The following MEI4 variants were observed in gnomAD, a reference collection of about 807,000 sequenced individuals.
The protein encoded by MEI4 is meiotic double-stranded break formation protein 4.
A neutral mutation model predicts 31.4 loss-of-function variants in MEI4; 27 were observed. That is an observed-to-expected ratio of 0.86 (90% CI 0.63 to 1.19). The LOEUF is 1.19. MEI4 is among the 50% of genes most tolerant of loss of function. MEI4 has a pLI of 0.00. For missense variants in MEI4, 329 were observed against 398.9 expected, an observed-to-expected ratio of 0.82 and a Z score of 1.49; for synonymous variants, 122 against 145.4, an observed-to-expected ratio of 0.84 and a Z score of 1.16.
rs148791785 is a variant in MEI4 at position 77,859,652 on chromosome 6, G to A, written c.900+30590G>A. 1.4e-3 allele frequency among the ~76,000 whole-genome samples: 212 copies of A among 152,036 alleles called. 1 individual carries two copies. Among genetic ancestry groups the A allele is most frequent in the African/African-American group, 4.4e-3 (182 of 41,478 alleles). ...GCTTTTTTTCATATGTTTTTTGGCC[G>A]CATAAATGTCTCCTTTTGAGAAGTG... On this transcript the variant is annotated intron_variant, in intron 4 of 4. Transcript: ENST00000684080.
intron 4 of MEI4, among the ~76,000 whole-genome samples, chr6:77,841,320 T>TATATATATATAC (rs1434717570): frequency 5.1e-4 from 24 of 47,442 alleles, no homozygotes; most frequent in East Asian, 1.3e-3. Flanking sequence ...TGTGCATATA[T>TATATATATATAC]ATATATATAT....
chr6:77,756,762 A>AT (rs1171811120), intron 2 of MEI4, among the ~76,000 whole-genome samples: 1 of 151,332 alleles, frequency 6.6e-6, no homozygotes, highest in Non-Finnish European at 1.5e-5. Flanking sequence ...GTTTGGTATA[A>AT]TTTTCCAAGG....
chr6:77,759,679 A>T (rs1768001150), intron 2 of MEI4, among the ~76,000 whole-genome samples: 1 of 152,004 alleles, frequency 6.6e-6, no homozygotes, highest in South Asian at 2.1e-4. Context: ...TTACATATTG[A>T]TATTTTGTGT....
intron 2 of MEI4, among the ~76,000 whole-genome samples, chr6:77,749,808 A>T (rs1767718784): frequency 2.0e-5 from 3 of 152,106 alleles, no homozygotes; most frequent in Admixed American, 2.0e-4. Flanking sequence ...ACCCCAAGAC[A>T]CATAATGATC....
At chr6:77,852,392 T>C (rs967655407) in intron 4 of MEI4, among the ~76,000 whole-genome samples, 4 of 152,200 alleles carry the variant, frequency 2.6e-5, no homozygotes, top group Admixed American at 1.3e-4. Context: ...AGACATATAA[T>C]GTATTAATAT....
chr6:77,901,443 T>A, intron 4 of MEI4, among the ~76,000 whole-genome samples: 1 of 152,074 alleles, frequency 6.6e-6, no homozygotes, highest in East Asian at 1.9e-4. Context: ...TGGTTTTAAT[T>A]TACATTTCCC....
intron 3 of MEI4, among the ~76,000 whole-genome samples, chr6:77,802,698 C>G (rs1025863052): frequency 6.6e-6 from 1 of 152,160 alleles, no homozygotes; most frequent in Non-Finnish European, 1.5e-5. Flanking sequence ...ATTTGCTTAT[C>G]TGTAAAGGAT....
chr6:77,854,882 C>T (rs1431892591), intron 4 of MEI4, among the ~76,000 whole-genome samples: 1 of 148,838 alleles, frequency 6.7e-6, no homozygotes, highest in Admixed American at 7.0e-5. Flanking sequence ...AGGTCAGAAA[C>T]TGGTGCCTGA....
Position 77,925,780 on chromosome 6 carries a change from TTA to T in MEI4, c.*2438_*2439del, listed in dbSNP as rs1554182175. 2.7e-4 allele frequency: 40 copies of T among 148,142 alleles called. No homozygotes were observed. The highest frequency in any genetic ancestry group is 3.4e-4 in the African/African-American group (14 of 40,782). The allele number at this position is 148,142 out of a possible 1,614,324, so 9.2% of individuals were successfully genotyped here. On this transcript the variant is annotated 3_prime_UTR_variant, in exon 5 of 5. Coordinates refer to ENST00000684080, the MANE Select transcript of MEI4 (RefSeq NM_001322247.2). ...TATAATAAATATATGATAATATATTTTATATGAGAGTAAATATATATTAAATA... is the reference window on the plus strand; with the variant it reads ...TATAATAAATATATGATAATATATTTTATGAGAGTAAATATATATTAAATA...
At chr6:77,665,235 G>A (rs950141437) in intron 1 of MEI4, among the ~76,000 whole-genome samples, 3 of 151,930 alleles carry the variant, frequency 2.0e-5, no homozygotes, top group Non-Finnish European at 4.4e-5. Flanking sequence ...AGGGATTGGG[G>A]CACAGAGATA....
intron 4 of MEI4, among the ~76,000 whole-genome samples, chr6:77,903,673 G>A (rs961383103): frequency 1.3e-5 from 2 of 152,054 alleles, no homozygotes; most frequent in African/African-American, 4.8e-5. Flanking sequence ...CTATGGACTT[G>A]TCATATATAG....
intron 1 of MEI4, among the ~76,000 whole-genome samples, chr6:77,664,668 G>T (rs1768585653): frequency 6.6e-6 from 1 of 152,066 alleles, no homozygotes; most frequent in South Asian, 2.1e-4. Context: ...GCTTGGGGTT[G>T]GGACTGAGGG....
chr6:77,864,547 T>C (rs1241834001), intron 4 of MEI4, among the ~76,000 whole-genome samples: 1 of 152,172 alleles, frequency 6.6e-6, no homozygotes, highest in Non-Finnish European at 1.5e-5. Context: ...TAAATATATA[T>C]GCACCCAATA....
At chr6:77,913,332 C>A (rs1391774974) in intron 4 of MEI4, among the ~76,000 whole-genome samples, 1 of 152,062 alleles carries the variant, frequency 6.6e-6, no homozygotes, top group Admixed American at 6.6e-5. Flanking sequence ...CACTCCTCTT[C>A]AGTTGTTTGG....
At chr6:77,726,782 A>T (rs1766834091) in intron 2 of MEI4, among the ~76,000 whole-genome samples, 1 of 152,200 alleles carries the variant, frequency 6.6e-6, no homozygotes, top group Admixed American at 6.5e-5. Flanking sequence ...GATGCTAGCA[A>T]GGCTAAAGGG....
Position 77,923,481 on chromosome 6 carries a change from CTTAATGG to C in MEI4, c.*139_*145del. 1.4e-6 allele frequency: 1 copy of C among 733,028 alleles called. No individual in the cohort carries two copies. The highest frequency in any genetic ancestry group is 1.9e-6 in the Non-Finnish European group (1 of 536,058). The allele number at this position is 733,028 out of a possible 1,614,324, so 45.4% of individuals were successfully genotyped here. A position where few individuals can be genotyped will look rare whatever the true frequency, so the allele number is the denominator to read the frequency against. The stretch of plus-strand genomic sequence containing the variant: ...TCTCTAAATATAATTATCAATTCAA[CTTAATGG>C]TTAGTCTTAAATTGTATGAAATTTT... On this transcript the variant is annotated 3_prime_UTR_variant, in exon 5 of 5. Coordinates refer to ENST00000684080, the MANE Select transcript of MEI4 (RefSeq NM_001322247.2).
chr6:77,895,797 A>T (rs1420392291), intron 4 of MEI4, among the ~76,000 whole-genome samples: 1 of 152,092 alleles, frequency 6.6e-6, no homozygotes, highest in Non-Finnish European at 1.5e-5. Flanking sequence ...AGCAATGCAG[A>T]CAGACACGTA....
chr6:77,769,509 T>A lies in MEI4; in HGVS notation c.768+7844T>A, dbSNP rs950631918. The stretch of plus-strand genomic sequence containing the variant: ...GGAACTTGGAGTGCATGGAACCTAG[T>A]GAGATACCAGCTGAGACAACCAAGG... On this transcript the variant is annotated intron_variant, in intron 3 of 4. Coordinates refer to ENST00000684080, the MANE Select transcript of MEI4 (RefSeq NM_001322247.2). Among the ~76,000 whole-genome samples the A allele has an allele frequency of 3.3e-5, 5 of 152,078 alleles. No individual in the cohort carries two copies. In the South Asian group the frequency reaches 1.0e-3, roughly 32 times the overall value.
chr6:77,783,759 T>G (rs930631337), intron 3 of MEI4, among the ~76,000 whole-genome samples: 2 of 152,164 alleles, frequency 1.3e-5, no homozygotes, highest in African/African-American at 4.8e-5. Flanking sequence ...CAGTAGGATA[T>G]TCTTTTCATG....
Sources: gnomAD v4.1 joint callset for allele counts (sites outside exome capture counted in the v4.1 genomes callset) on GRCh38, gnomAD v4.1.1 for gene constraint, MANE v1.5 for transcripts, NCBI Gene and HGNC (gene_info 2026-07-23, HGNC 2026-07-21) for gene names.